CCDC171: variants seen among roughly 807,000 people sequenced by gnomAD.
CCDC171 encodes the protein coiled-coil domain-containing protein 171.
In CCDC171, 177 loss-of-function variants were observed where a neutral mutation model predicts 168.2. The ratio of observed to expected loss-of-function variants is 1.05; its 90% CI spans 0.93 to 1.19. CCDC171 has a LOEUF of 1.19. Ranked by LOEUF, CCDC171 falls within the 50% of genes most tolerant of loss-of-function variation. CCDC171 has a pLI of 0.00. For missense variants in CCDC171, 1,991 were observed against 1,539.0 expected, an observed-to-expected ratio of 1.29 and a Z score of -4.91; for synonymous variants, 687 against 540.8, an observed-to-expected ratio of 1.27 and a Z score of -3.75.
intron 24 of CCDC171, among the ~76,000 whole-genome samples, chr9:15,912,401 A>T (rs958272257): frequency 6.6e-6 from 1 of 152,160 alleles, no homozygotes; most frequent in Non-Finnish European, 1.5e-5. Flanking sequence ...TTGTTTTTGT[A>T]TCCAGAGACT....
At chr9:15,793,670 G>C (rs372919333) in intron 21 of CCDC171, among the ~76,000 whole-genome samples, 2 of 142,564 alleles carry the variant, frequency 1.4e-5, no homozygotes, top group East Asian at 2.2e-4. Flanking sequence ...CTTCCTCAGC[G>C]TCCCAGGTAG....
intron 3 of CCDC171, among the ~76,000 whole-genome samples, chr9:16,007,631 A>C (rs1229073003): frequency 1.3e-5 from 2 of 152,204 alleles, no homozygotes; most frequent in Non-Finnish European, 2.9e-5. Flanking sequence ...GAAGGGATCC[A>C]GTTTCAGCTT....
At chr9:15,873,558 A>C (rs1265153087) in intron 23 of CCDC171, among the ~76,000 whole-genome samples, 1 of 152,100 alleles carries the variant, frequency 6.6e-6, no homozygotes, top group South Asian at 2.1e-4. Flanking sequence ...TATTCCAAGC[A>C]TAAGGAAAGT....
chr9:15,828,894 T>G (rs1395377394), intron 21 of CCDC171, among the ~76,000 whole-genome samples: 1 of 152,194 alleles, frequency 6.6e-6, no homozygotes, highest in Non-Finnish European at 1.5e-5. Flanking sequence ...GTATCTTTAG[T>G]TCATAAGTGA....
intron 3 of CCDC171, among the ~76,000 whole-genome samples, chr9:15,990,616 AAGACAC>A (rs1832158821): frequency 2.6e-5 from 4 of 152,242 alleles, no homozygotes; most frequent in Admixed American, 2.6e-4. Context: ...CTCCAATTAA[AAGACAC>A]AGACTGGCAA....
At chr9:15,742,092 T>A (rs532967670) in intron 16 of CCDC171, among the ~76,000 whole-genome samples, 2 of 152,194 alleles carry the variant, frequency 1.3e-5, no homozygotes, top group South Asian at 4.2e-4. Flanking sequence ...TTTTCTCTAA[T>A]TGAACAGATG....
Position 15,628,846 on chromosome 9 carries a change from G to A in CCDC171, c.822+5433G>A, listed in dbSNP as rs1237918277. ...TCTGAGACAAAACTTCCAGAGGAAC[G>A]ATCAGACAGCAGCATTAACGGTTCA... is the stretch of plus-strand genomic sequence containing the variant. On this transcript the variant is annotated intron_variant, in intron 7 of 25. Transcript: ENST00000380701. 3.9e-5 allele frequency among the ~76,000 whole-genome samples: 6 copies of A among 152,148 alleles called. No homozygotes were observed. The South Asian group carries it at 6.2e-4, about 16-fold the overall frequency.
intron 15 of CCDC171, among the ~76,000 whole-genome samples, 183 bp downstream of exon 15, chr9:15,728,219 T>C (rs1430370023): frequency 2.0e-5 from 3 of 152,160 alleles, no homozygotes; most frequent in Non-Finnish European, 4.4e-5. Context: ...GGCATGTAAA[T>C]GTGACTGAAG....
chr9:15,985,587 C>T (rs537814128), intron 3 of CCDC171, among the ~76,000 whole-genome samples: 70 of 152,190 alleles, frequency 4.6e-4, no homozygotes, highest in African/African-American at 1.5e-3. Context: ...GTGACTTTCC[C>T]AAATTAGGCA....
chr9:16,078,683 AC>A, the CCDC171 span, among the ~76,000 whole-genome samples: 1 of 152,178 alleles, frequency 6.6e-6, no homozygotes. Context: ...TAGTCATAGC[AC>A]CACCATTAAT....
chr9:16,085,933 G>T, the CCDC171 span, among the ~76,000 whole-genome samples: 5 of 152,000 alleles, frequency 3.3e-5, no homozygotes, highest in African/African-American at 4.8e-5. Flanking sequence ...TTTTTTTATT[G>T]TTACGTCTCT....
At chr9:15,818,460 C>T (rs554100936) in intron 21 of CCDC171, among the ~76,000 whole-genome samples, 3 of 116,924 alleles carry the variant, frequency 2.6e-5, no homozygotes, top group Non-Finnish European at 3.8e-5. Context: ...AAAAATTAGA[C>T]GAATGGCTAA....
At chr9:15,756,133 A>G (rs562966189) in intron 18 of CCDC171, among the ~76,000 whole-genome samples, 203 of 152,274 alleles carry the variant, frequency 1.3e-3, no homozygotes, top group African/African-American at 4.5e-3. Flanking sequence ...GAAGGTGGCA[A>G]CAGAGAAGGG....
chr9:15,790,618 A>G lies in CCDC171; in HGVS notation c.3267+5924A>G, dbSNP rs1456587003. 3.9e-5 allele frequency among the ~76,000 whole-genome samples: 6 copies of G among 152,186 alleles called. No homozygotes were observed. The East Asian group carries it at 7.7e-4, about 20-fold the overall frequency. ...TAGTTTAATTAGATCCCATTTGTCA[A>G]TTTCGGCTTTTGTTGCCATTGCCTT... On this transcript the variant is annotated intron_variant, in intron 21 of 25. Transcript: ENST00000380701.
intron 3 of CCDC171, among the ~76,000 whole-genome samples, chr9:16,005,782 C>G (rs377737810): frequency 9.0e-4 from 137 of 152,148 alleles, no homozygotes; most frequent in African/African-American, 3.1e-3. Context: ...ATTTTGGTGT[C>G]CTGGGCTAGG....
intron 6 of CCDC171, among the ~76,000 whole-genome samples, chr9:15,621,380 C>T (rs781698819): frequency 3.3e-5 from 5 of 152,086 alleles, no homozygotes; most frequent in Non-Finnish European, 7.4e-5. Flanking sequence ...TTTTTGGAAA[C>T]CAAAAATTGA....
chr9:16,060,141 G>A (rs1209640448), intron 1 of CCDC171, among the ~76,000 whole-genome samples: 1 of 152,118 alleles, frequency 6.6e-6, no homozygotes, highest in African/African-American at 2.4e-5. Context: ...CCTTTGCAGG[G>A]TCTTCTCTCT....
chr9:16,057,155 A>G (rs1042739130), intron 1 of CCDC171, among the ~76,000 whole-genome samples: 2 of 152,196 alleles, frequency 1.3e-5, no homozygotes, highest in Non-Finnish European at 2.9e-5. Context: ...TCTTTACACA[A>G]GGAGTTCATA....
chr9:15,560,549 A>C (rs1031477310), intron 1 of CCDC171, among the ~76,000 whole-genome samples: 4 of 152,118 alleles, frequency 2.6e-5, no homozygotes, highest in Non-Finnish European at 4.4e-5. Flanking sequence ...TTCGTCACAT[A>C]GTTCTCTTGC....
Sources: allele counts gnomAD v4.1 joint callset (sites outside exome capture counted in the v4.1 genomes callset), GRCh38; gene constraint gnomAD v4.1.1; transcripts MANE v1.5; gene names NCBI Gene and HGNC (gene_info 2026-07-23, HGNC 2026-07-21).